Variants in RAB11FIP2 observed in about 807,000 individuals in gnomAD.
The protein encoded by RAB11FIP2 is RAB11 family interacting protein 2, also known as rab11 family-interacting protein 2.
In RAB11FIP2, 16 loss-of-function variants were observed where a neutral mutation model predicts 40.9. That is an observed-to-expected ratio of 0.39 (90% CI 0.26 to 0.59). The LOEUF is 0.59. RAB11FIP2 is among the 20% of genes least tolerant of loss of function. The pLI is 0.53. For missense variants in RAB11FIP2, 532 were observed against 606.2 expected (o/e 0.88, Z 1.28); for synonymous variants, 228 against 213.7 (o/e 1.07, Z -0.58).
intron 3 of RAB11FIP2, among the ~76,000 whole-genome samples, chr10:118,019,829 G>GAA (rs746080254): frequency 5.1e-5 from 5 of 98,914 alleles, no homozygotes; most frequent in Non-Finnish European, 4.5e-5. Context: ...CTGCCTCAAA[G>GAA]AAAAAAAAAA....
At chr10:118,023,250 T>C (rs777152032) in intron 3 of RAB11FIP2, among the ~76,000 whole-genome samples, 3 of 152,188 alleles carry the variant, frequency 2.0e-5, no homozygotes, top group Non-Finnish European at 4.4e-5. Flanking sequence ...TGTTCTTTAA[T>C]AATGCTCTTT....
At chr10:118,040,879 G>A (rs529907558) in intron 1 of RAB11FIP2, among the ~76,000 whole-genome samples, 1 of 152,148 alleles carries the variant, frequency 6.6e-6, no homozygotes, top group East Asian at 1.9e-4. Context: ...AATGCTAGAA[G>A]TTTTCCATAT....
chr10:118,044,726 CAA>C (rs139124715), intron 1 of RAB11FIP2, among the ~76,000 whole-genome samples: 1,924 of 152,066 alleles, frequency 0.013, 23 homozygotes, highest in Middle Eastern at 0.051. Context: ...CAGAAAAGAA[CAA>C]GAGAGAGTCG....
intron 3 of RAB11FIP2, among the ~76,000 whole-genome samples, chr10:118,038,112 A>G (rs1047488048): frequency 6.6e-6 from 1 of 151,928 alleles, no homozygotes; most frequent in African/African-American, 2.4e-5. Flanking sequence ...GGGGCCAACT[A>G]TACTTAAGAT....
chr10:118,011,430 TTTAA>T (rs1846154456), intron 4 of RAB11FIP2, among the ~76,000 whole-genome samples: 1 of 151,970 alleles, frequency 6.6e-6, no homozygotes, highest in South Asian at 2.1e-4. Context: ...TAGTTACTAG[TTTAA>T]TTGGTCATAA....
chr10:118,016,335 C>T (rs1162998542), intron 3 of RAB11FIP2, among the ~76,000 whole-genome samples: 1 of 152,186 alleles, frequency 6.6e-6, no homozygotes, highest in Non-Finnish European at 1.5e-5. Context: ...CAGTTAAAGG[C>T]CTGTGTGGCT....
intron 4 of RAB11FIP2, among the ~76,000 whole-genome samples, chr10:118,009,837 T>C (rs771782623): frequency 4.7e-4 from 72 of 152,106 alleles, no homozygotes; most frequent in Non-Finnish European, 9.6e-4. Context: ...GAGTAACTGG[T>C]CTATTTCTTT....
At chr10:118,033,667 G>C (rs1006005239) in intron 3 of RAB11FIP2, among the ~76,000 whole-genome samples, 2 of 152,040 alleles carry the variant, frequency 1.3e-5, no homozygotes, top group Non-Finnish European at 2.9e-5. Context: ...AACAGTAAAA[G>C]AAAACTTGGA....
chr10:118,045,162 A>G (rs1846611250), intron 1 of RAB11FIP2: 1 of 152,264 alleles, frequency 6.6e-6, no homozygotes, highest in Non-Finnish European at 1.5e-5. Flanking sequence ...GCTTTGGAAA[A>G]TCAATTCTGA....
chr10:118,009,781 G>A (rs1846134104), intron 4 of RAB11FIP2, among the ~76,000 whole-genome samples: 2 of 152,088 alleles, frequency 1.3e-5, no homozygotes, highest in Admixed American at 1.3e-4. Context: ...CCCCATGTGA[G>A]TAACTTCTGT....
At chr10:118,044,378 A>G (rs1408954839) in intron 1 of RAB11FIP2, among the ~76,000 whole-genome samples, 1 of 152,192 alleles carries the variant, frequency 6.6e-6, no homozygotes, top group Non-Finnish European at 1.5e-5. Context: ...ACTAAGTGTC[A>G]CCCAAAATTG....
intron 3 of RAB11FIP2, among the ~76,000 whole-genome samples, chr10:118,026,453 G>T (rs1314414490): frequency 6.6e-6 from 1 of 152,166 alleles, no homozygotes; most frequent in Non-Finnish European, 1.5e-5. Context: ...GAGGGCACCT[G>T]CTCTGACACA....
chr10:118,034,983 G>C (rs1846463628), intron 3 of RAB11FIP2, among the ~76,000 whole-genome samples: 1 of 152,102 alleles, frequency 6.6e-6, no homozygotes, highest in African/African-American at 2.4e-5. Flanking sequence ...AGTGAGGCTG[G>C]GGCACGGGTG....
intron 1 of RAB11FIP2, among the ~76,000 whole-genome samples, chr10:118,044,697 G>A (rs1846604004): frequency 6.6e-6 from 1 of 152,066 alleles, no homozygotes; most frequent in Non-Finnish European, 1.5e-5. Context: ...ATCAAGAGAA[G>A]CCTGAGAGTA....
chr10:118,032,535 A>G (rs533789105), intron 3 of RAB11FIP2, among the ~76,000 whole-genome samples: 1 of 152,184 alleles, frequency 6.6e-6, no homozygotes, highest in Admixed American at 6.6e-5. Context: ...AGCAGAGCTA[A>G]TATGACTAAG....
At chr10:118,009,589 G>GT (rs1846132930) in intron 4 of RAB11FIP2, among the ~76,000 whole-genome samples, 1 of 152,134 alleles carries the variant, frequency 6.6e-6, no homozygotes, top group Non-Finnish European at 1.5e-5. Flanking sequence ...CAGAGGAACT[G>GT]TAAGAAGTAA....
chr10:118,017,282 T>A (rs1314166594), intron 3 of RAB11FIP2, among the ~76,000 whole-genome samples: 1 of 152,176 alleles, frequency 6.6e-6, no homozygotes, highest in Non-Finnish European at 1.5e-5. Flanking sequence ...ATAGGCCACA[T>A]AGATGAATCA....
At chr10:118,014,959 G>T in intron 4 of RAB11FIP2, 106 bp downstream of exon 4, 1 of 904,198 alleles carries the variant, frequency 1.1e-6, no homozygotes, top group Non-Finnish European at 1.7e-6. Flanking sequence ...CAATTCTTAG[G>T]TAAGTGAGGC....
In RAB11FIP2 at chr10:118,023,474, C is replaced by T. The variant is rs143218378; in HGVS notation, c.1266-8364G>A. Reference sequence around the variant, plus strand: ...TACAGATGAAAAGACTACATTCTGTCTCCTGGGACTGGGCATGTACACCAA... The same window carrying T: ...TACAGATGAAAAGACTACATTCTGTTTCCTGGGACTGGGCATGTACACCAA... On this transcript the variant is annotated intron_variant, in intron 3 of 4. Coordinates refer to ENST00000355624, the MANE Select transcript of RAB11FIP2 (RefSeq NM_014904.3). 5.3e-3 allele frequency among the ~76,000 whole-genome samples: 802 copies of T among 152,224 alleles called. 7 individuals are homozygous for T. Among genetic ancestry groups the T allele is most frequent in the African/African-American group, 0.019 (773 of 41,522 alleles).
Sources: gnomAD v4.1 joint callset for allele counts (sites outside exome capture counted in the v4.1 genomes callset) on GRCh38, gnomAD v4.1.1 for gene constraint, MANE v1.5 for transcripts, NCBI Gene and HGNC (gene_info 2026-07-23, HGNC 2026-07-21) for gene names.